Variants in UPP2 observed in about 807,000 individuals in gnomAD.
The protein encoded by UPP2 is UPase 2.
Under a neutral mutation model 26.7 loss-of-function variants are expected in UPP2, and 23 were observed. The observed-to-expected ratio is 0.86, with a 90% CI of 0.62 to 1.22. The LOEUF is 1.22. Among genes scored for constraint, UPP2 ranks in the 50% most tolerant of loss-of-function variants. UPP2 has a pLI of 0.00. For missense variants in UPP2, 387 were observed against 396.7 expected (o/e 0.98, Z 0.21); for synonymous variants, 127 against 141.3 (o/e 0.90, Z 0.72).
chr2:158,099,332 C>T (rs1190040966), upstream of UPP2, among the ~76,000 whole-genome samples: 1 of 152,144 alleles, frequency 6.6e-6, no homozygotes, highest in Non-Finnish European at 1.5e-5. Flanking sequence ...TCTCTCAAGC[C>T]ATTGCTGGTG....
At chr2:158,015,489 T>C (rs910583410) in intron 2 of UPP2, among the ~76,000 whole-genome samples, 1 of 152,174 alleles carries the variant, frequency 6.6e-6, no homozygotes. Context: ...TCATCTGTTG[T>C]TGGATATCTA....
At chr2:158,074,521 A>C (rs1344490738) in intron 3 of UPP2, among the ~76,000 whole-genome samples, 1 of 152,152 alleles carries the variant, frequency 6.6e-6, no homozygotes, top group East Asian at 1.9e-4. Context: ...TCACTTTAAA[A>C]CAACGGGTTA....
At chr2:158,066,141 C>T (rs1350075688) in intron 3 of UPP2, 2 of 200,316 alleles carry the variant, frequency 1.0e-5, no homozygotes, top group African/African-American at 2.4e-5. Context: ...ACTTATTAGC[C>T]AACATGTTGG....
intron 2 of UPP2, among the ~76,000 whole-genome samples, chr2:158,010,156 G>A (rs764386156): frequency 2.8e-4 from 43 of 152,124 alleles, no homozygotes; most frequent in Non-Finnish European, 4.6e-4. Context: ...GCTTTTCATC[G>A]AAAGCGACAG....
chr2:158,055,255 G>T (rs1024259503), intron 3 of UPP2, among the ~76,000 whole-genome samples: 1 of 152,066 alleles, frequency 6.6e-6, no homozygotes, highest in African/African-American at 2.4e-5. Flanking sequence ...GCTGGTTCGG[G>T]TCTCTTTTAT....
In UPP2 at chr2:158,058,419, C is replaced by CTGTGTGTGTGTGTGTGTGTGTGTGTG. The variant is rs70990632; in HGVS notation, c.147+42539_147+42564dup. ...CTCTCTCTCTCTCTCTCCCCCCAAC[C>CTGTGTGTGTGTGTGTGTGTGTGTGTG]TGTGTGTGTGTGTGTGTGTGTGTGT... On this transcript the variant is annotated intron_variant, in intron 3 of 9. Coordinates refer to the UPP2 transcript ENST00000605860. 1.8e-3 allele frequency among the ~76,000 whole-genome samples: 239 copies of CTGTGTGTGTGTGTGTGTGTGTGTGTG among 136,440 alleles called. 5 individuals are homozygous for CTGTGTGTGTGTGTGTGTGTGTGTGTG. The highest frequency in any genetic ancestry group is 0.017 in the East Asian group (71 of 4,246). 89.5% of individuals were successfully genotyped at this position (136,440 alleles called of 152,430 possible).
At chr2:158,024,119 C>A (rs78216983) in intron 3 of UPP2, among the ~76,000 whole-genome samples, 5,457 of 152,200 alleles carry the variant, frequency 0.036, 172 homozygotes, top group East Asian at 0.19. Flanking sequence ...TGAGGAGGGA[C>A]CCCAGCAACC....
intron 4 of UPP2, 150 bp from the exon 5 acceptor site, chr2:158,121,259 T>C: frequency 1.4e-6 from 1 of 718,832 alleles, no homozygotes; most frequent in South Asian, 1.8e-5. Context: ...GAATGTTATT[T>C]AATTGCATTT....
chr2:158,091,623 G>A (rs1682913444), intron 3 of UPP2, among the ~76,000 whole-genome samples: 1 of 152,148 alleles, frequency 6.6e-6, no homozygotes. Flanking sequence ...CATGTGCCTG[G>A]GGTCAGCTGG....
chr2:158,075,116 G>T (rs10208607), intron 3 of UPP2, among the ~76,000 whole-genome samples: 9,910 of 152,042 alleles, frequency 0.065, 587 homozygotes, highest in East Asian at 0.14. Flanking sequence ...GAAGTACCCA[G>T]ATATAAAGCA....
chr2:158,058,419 C>CTGTGTGTGTGTGTGTG (rs70990632), intron 3 of UPP2, among the ~76,000 whole-genome samples: 5,213 of 136,390 alleles, frequency 0.038, 259 homozygotes, highest in African/African-American at 0.062. Context: ...TCCCCCCAAC[C>CTGTGTGTGTGTGTGTG]TGTGTGTGTG....
intron 3 of UPP2, among the ~76,000 whole-genome samples, chr2:158,045,692 G>C (rs1482023583): frequency 6.6e-6 from 1 of 152,142 alleles, no homozygotes; most frequent in Non-Finnish European, 1.5e-5. Context: ...ACAGAGTTTG[G>C]GGAGTTCTAT....
At position 158,135,110 on chromosome 2, in the gene UPP2, G is replaced by C. The variant is rs991794971; in HGVS notation, c.*220G>C. On this transcript the variant is annotated 3_prime_UTR_variant, in exon 7 of 7. Transcript: ENST00000005756. Reference sequence around the variant, plus strand: ...ATTTTAGAATAAGTTAACTAAATCAGTCTAATAATTAAAATTTTAAAACTC... The same window carrying C: ...ATTTTAGAATAAGTTAACTAAATCACTCTAATAATTAAAATTTTAAAACTC... The C allele has an allele frequency of 1.0e-5, 5 of 476,370 alleles. No homozygotes were observed. Among genetic ancestry groups the C allele is most frequent in the African/African-American group, 6.1e-5 (3 of 49,584 alleles). The allele number at this position is 476,370 out of a possible 1,614,324, so 29.5% of individuals were successfully genotyped here.
intron 3 of UPP2, among the ~76,000 whole-genome samples, chr2:158,085,007 A>AT (rs1304107883): frequency 6.6e-6 from 1 of 151,702 alleles, no homozygotes; most frequent in African/African-American, 2.4e-5. Flanking sequence ...GAATTTTAGA[A>AT]TTTTTTTCTA....
At chr2:158,080,882 G>A (rs971916668) in intron 3 of UPP2, among the ~76,000 whole-genome samples, 10 of 152,268 alleles carry the variant, frequency 6.6e-5, no homozygotes, top group African/African-American at 2.4e-4. Context: ...CTGGAGAGAG[G>A]AGAGGAAAGA....
chr2:157,997,978 A>C (rs1430080258), intron 2 of UPP2, among the ~76,000 whole-genome samples: 1 of 152,244 alleles, frequency 6.6e-6, no homozygotes, highest in Admixed American at 6.5e-5. Flanking sequence ...AATATATAGC[A>C]ACAGAAACCT....
intron 1 of UPP2, among the ~76,000 whole-genome samples, chr2:158,104,756 T>C (rs890530073): frequency 2.6e-5 from 4 of 151,982 alleles, no homozygotes; most frequent in Non-Finnish European, 5.9e-5. Context: ...ACCCCATCTC[T>C]ACTAAAAATA....
At chr2:158,099,127 C>T (rs1475110334), upstream of UPP2, among the ~76,000 whole-genome samples, 3 of 152,100 alleles carry the variant, frequency 2.0e-5, no homozygotes, top group African/African-American at 4.8e-5. Flanking sequence ...TGGTAACTTG[C>T]GTTTTCTTTA....
chr2:158,075,804 C>T (rs1271470239), intron 3 of UPP2, among the ~76,000 whole-genome samples: 4 of 150,868 alleles, frequency 2.7e-5, no homozygotes, highest in African/African-American at 7.3e-5. Flanking sequence ...GCAAACTAAA[C>T]CCAAAATTAT....
Sources: gnomAD v4.1 joint callset for allele counts (sites outside exome capture counted in the v4.1 genomes callset) on GRCh38, gnomAD v4.1.1 for gene constraint, MANE v1.5 for transcripts, NCBI Gene and HGNC (gene_info 2026-07-23, HGNC 2026-07-21) for gene names.